ACACA: variants seen among roughly 807,000 people sequenced by gnomAD.
ACACA encodes acetyl-CoA carboxylase 1.
ACACA carries 103 observed loss-of-function variants against 296.1 expected under a neutral mutation model. The observed-to-expected ratio is 0.35, with a 90% CI of 0.30 to 0.41. ACACA has a LOEUF of 0.41. Among genes scored for constraint, ACACA ranks in the 10% least tolerant of loss-of-function variants. The pLI is 1.00. For missense variants in ACACA, 1,554 were observed against 2,989.7 expected (o/e 0.52, Z 11.20); for synonymous variants, 953 against 1,038.6 (o/e 0.92, Z 1.58).
chr17:37,165,711 G>A (rs1456150726), intron 41 of ACACA, among the ~76,000 whole-genome samples: 3 of 142,644 alleles, frequency 2.1e-5, no homozygotes, highest in Non-Finnish European at 4.5e-5. Context: ...GTCTCGCTCT[G>A]TCACCCAGGC....
At chr17:37,272,577 G>T (rs984980741) in intron 9 of ACACA, among the ~76,000 whole-genome samples, 7 of 151,896 alleles carry the variant, frequency 4.6e-5, no homozygotes, top group Non-Finnish European at 8.8e-5. Context: ...AAAAAAAAGG[G>T]GGTATCCCAT....
intron 24 of ACACA, among the ~76,000 whole-genome samples, chr17:37,237,557 T>TA (rs895623459): frequency 1.5e-4 from 23 of 152,260 alleles, no homozygotes; most frequent in African/African-American, 5.1e-4. Context: ...TATATGCCTC[T>TA]AATTACAAAT....
chr17:37,139,527 A>G (rs925585079), intron 45 of ACACA, among the ~76,000 whole-genome samples: 2 of 152,224 alleles, frequency 1.3e-5, no homozygotes, highest in Non-Finnish European at 2.9e-5. Flanking sequence ...CTAAGTCTAC[A>G]TCACCTTTAC....
intron 29 of ACACA, among the ~76,000 whole-genome samples, chr17:37,217,749 A>G (rs867150283): frequency 7.1e-6 from 1 of 141,672 alleles, no homozygotes; most frequent in East Asian, 2.0e-4. Context: ...AAAAAAAAAA[A>G]AAAAAAAAAA....
At position 37,236,478 on chromosome 17, in the gene ACACA, G is replaced by GT. The variant is rs1041107294; in HGVS notation, c.3122-1380dup. On this transcript the variant is annotated intron_variant, in intron 24 of 55. Transcript: ENST00000616317. ...AGAAAGAAAGCAATGATACTTTCTT[G>GT]TTTTTTTTTTTTTTACTTTGAAGAT... Among the ~76,000 whole-genome samples the GT allele has an allele frequency of 6.7e-3, 942 of 141,276 alleles. 10 individuals carry two copies. Among genetic ancestry groups the GT allele is most frequent in the African/African-American group, 0.019 (757 of 39,096 alleles). 92.7% of individuals were successfully genotyped at this position (141,276 alleles called of 152,430 possible). A position where few individuals can be genotyped will look rare whatever the true frequency, so the allele number is the denominator to read the frequency against.
intron 32 of ACACA, 41 bp from the exon 33 acceptor site, chr17:37,205,913 G>C (rs765556290): frequency 1.2e-5 from 17 of 1,425,888 alleles, no homozygotes; most frequent in Admixed American, 1.7e-5. Context: ...TATGAGGCTG[G>C]CCAATACAGA....
chr17:37,244,268 A>G (rs1356808310), intron 21 of ACACA, among the ~76,000 whole-genome samples: 1 of 151,816 alleles, frequency 6.6e-6, no homozygotes, highest in Non-Finnish European at 1.5e-5. Context: ...CAGGAGGTTG[A>G]GGCAGGAGAA....
rs1195132951 is a variant in ACACA at position 37,086,767 on chromosome 17, C to T, written c.*549G>A. The T allele has an allele frequency of 1.2e-5, 2 of 167,344 alleles. No individual in the cohort carries two copies. Among genetic ancestry groups the T allele is most frequent in the Non-Finnish European group, 2.6e-5 (2 of 76,294 alleles). The allele number at this position is 167,344 out of a possible 1,614,324, so 10.4% of individuals were successfully genotyped here. On this transcript the variant is annotated 3_prime_UTR_variant, in exon 56 of 56. Transcript: ENST00000616317. Reference sequence around the variant, plus strand: ...CTCTAATTTTTCTTCATAAAAGGTACCGTAGTGTGGTTAAACTGGGAATCA... The same window carrying T: ...CTCTAATTTTTCTTCATAAAAGGTATCGTAGTGTGGTTAAACTGGGAATCA...
In ACACA at chr17:37,248,631, C is replaced by T. The variant is rs1288365475; in HGVS notation, c.2125G>A (p.Val709Ile). The T allele has an allele frequency of 1.9e-6, 3 of 1,611,956 alleles. No individual in the cohort carries two copies. The highest frequency in any genetic ancestry group is 3.3e-5 in the Admixed American group (2 of 59,994). ...TTGACTCCCTCATAGATAAGTTCAACATCTACTGTATTCAGAAGTGTATGA... is the reference window on the plus strand; with the variant it reads ...TTGACTCCCTCATAGATAAGTTCAATATCTACTGTATTCAGAAGTGTATGA... ...PAHTLLNTVDVELIYEGVKYV... is the reference protein window; with the variant it reads ...PAHTLLNTVDIELIYEGVKYV... The change falls in exon 17 of 56, where the codon GTT (valine) becomes ATT (isoleucine). Residue 709 changes from valine (V) to isoleucine (I), a missense_variant. By Grantham distance (29) the Val-to-Ile change is conservative. Coordinates refer to ENST00000616317, the MANE Select transcript of ACACA (RefSeq NM_198834.3).
intron 3 of ACACA, among the ~76,000 whole-genome samples, chr17:37,287,363 T>C (rs181316074): frequency 1.3e-4 from 20 of 152,092 alleles, no homozygotes; most frequent in African/African-American, 4.8e-4. Context: ...ACTCAATGAG[T>C]GGGCATTTTC....
chr17:37,114,608 T>C (rs1286522981), intron 50 of ACACA, among the ~76,000 whole-genome samples: 2 of 151,562 alleles, frequency 1.3e-5, no homozygotes, highest in African/African-American at 2.4e-5. Context: ...AAAGGACCCA[T>C]GATGTACACA....
chr17:37,286,556 G>C (rs1169335529), intron 3 of ACACA, among the ~76,000 whole-genome samples: 1 of 152,044 alleles, frequency 6.6e-6, no homozygotes, highest in Non-Finnish European at 1.5e-5. Flanking sequence ...GTAAGAAAAG[G>C]GCCTTCCTTC....
intron 37 of ACACA, 78 bp downstream of exon 37, chr17:37,192,012 T>C (rs753153280): frequency 2.3e-4 from 324 of 1,415,354 alleles, no homozygotes; most frequent in Non-Finnish European, 4.3e-5. Context: ...AGCAGAAGCA[T>C]AATACCTAAT....
At position 37,174,017 on chromosome 17, in the gene ACACA, TA is replaced by T. The variant is rs1157891489; in HGVS notation, c.5079+5242del. On this transcript the variant is annotated intron_variant, in intron 41 of 55. Coordinates refer to ENST00000616317, the MANE Select transcript of ACACA (RefSeq NM_198834.3). ...ATATATATATATATATATATATATATATATTTTTTTTTTTTTTTTTTTTTGT... is the reference window on the plus strand; with the variant it reads ...ATATATATATATATATATATATATATTATTTTTTTTTTTTTTTTTTTTTGT... 2.1e-3 allele frequency among the ~76,000 whole-genome samples: 46 copies of T among 21,940 alleles called. 2 individuals carry two copies. In the East Asian group the frequency reaches 0.032, roughly 15 times the overall value. 14.4% of individuals were successfully genotyped at this position (21,940 alleles called of 152,430 possible).
intron 40 of ACACA, among the ~76,000 whole-genome samples, chr17:37,180,909 T>C (rs1425609368): frequency 2.0e-5 from 3 of 152,196 alleles, no homozygotes; most frequent in Non-Finnish European, 4.4e-5. Context: ...AGGTAACTCT[T>C]CACACAAGTC....
At chr17:37,095,872 G>C (rs572060995) in intron 54 of ACACA, among the ~76,000 whole-genome samples, 1 of 152,026 alleles carries the variant, frequency 6.6e-6, no homozygotes, top group Non-Finnish European at 1.5e-5. Context: ...ACTATTCCAG[G>C]AGCAAATGCT....
At chr17:37,110,579 A>G (rs1326904282) in intron 52 of ACACA, among the ~76,000 whole-genome samples, 1 of 152,226 alleles carries the variant, frequency 6.6e-6, no homozygotes, top group Admixed American at 6.5e-5. Context: ...TCAGGGCTCC[A>G]AATGCCTGGA....
intron 29 of ACACA, among the ~76,000 whole-genome samples, chr17:37,217,656 A>T (rs532688221): frequency 3.4e-5 from 5 of 145,236 alleles, no homozygotes; most frequent in African/African-American, 1.3e-4. Flanking sequence ...AATCGCTTGA[A>T]CCCAGGAGGC....
At chr17:37,093,028 AGCTCCAGGCCCATAGCAGG>A in intron 54 of ACACA, among the ~76,000 whole-genome samples, 1 of 152,160 alleles carries the variant, frequency 6.6e-6, no homozygotes, top group East Asian at 1.9e-4. Context: ...ATCCCATCTC[AGCTCCAGGCCCATAGCAGG>A]GCCAAGCAAC....
Sources: allele counts gnomAD v4.1 joint callset (sites outside exome capture counted in the v4.1 genomes callset), GRCh38; gene constraint gnomAD v4.1.1; transcripts MANE v1.5; gene names NCBI Gene and HGNC (gene_info 2026-07-23, HGNC 2026-07-21).